The following AFG2A variants were observed in gnomAD, a reference collection of about 807,000 sequenced individuals.
AFG2A encodes the protein ATPase family gene 2 protein homolog A.
At chr4:123,179,548 G>C in the AFG2A span, among the ~76,000 whole-genome samples, 2 of 152,078 alleles carry the variant, frequency 1.3e-5, no homozygotes, top group Non-Finnish European at 2.9e-5. Flanking sequence ...TATTTTAGTA[G>C]AGATAGAGTT....
the AFG2A span, among the ~76,000 whole-genome samples, chr4:123,046,101 A>G: frequency 0.021 from 3,254 of 152,052 alleles, 60 homozygotes; most frequent in Non-Finnish European, 0.035. Flanking sequence ...CATCTCAAAA[A>G]AAAAAAAGAA....
the AFG2A span, among the ~76,000 whole-genome samples, chr4:123,002,066 C>T: frequency 6.6e-6 from 1 of 152,010 alleles, no homozygotes; most frequent in East Asian, 1.9e-4. Flanking sequence ...TAATGGCCTT[C>T]TTTGTCTCTT....
the AFG2A span, among the ~76,000 whole-genome samples, chr4:123,100,098 G>C: frequency 6.6e-6 from 1 of 151,732 alleles, no homozygotes; most frequent in South Asian, 2.1e-4. Flanking sequence ...GACATAGAAG[G>C]CTCCATGGTC....
At chr4:122,927,735 A>T in the AFG2A span, 1 of 1,613,014 alleles carries the variant, frequency 6.2e-7, no homozygotes, top group Non-Finnish European at 8.5e-7. Flanking sequence ...AGTGTTGCTT[A>T]CTAGTTTGAA....
At chr4:123,003,803 G>C in the AFG2A span, among the ~76,000 whole-genome samples, 5 of 152,120 alleles carry the variant, frequency 3.3e-5, no homozygotes, top group Admixed American at 2.0e-4. Context: ...CAGATCTCCA[G>C]CTGCGTGCTG....
At chr4:123,231,053 GA>G in the AFG2A span, among the ~76,000 whole-genome samples, 1 of 152,004 alleles carries the variant, frequency 6.6e-6, no homozygotes, top group Admixed American at 6.6e-5. Flanking sequence ...AGGATTTTCA[GA>G]AGGGTAAATG....
chr4:122,980,670 T>C, the AFG2A span, among the ~76,000 whole-genome samples: 5 of 152,224 alleles, frequency 3.3e-5, no homozygotes, highest in African/African-American at 1.2e-4. Flanking sequence ...TCTTTCATCT[T>C]TTTGGTAATG....
chr4:123,271,050 G>C, the AFG2A span, among the ~76,000 whole-genome samples: 1 of 152,164 alleles, frequency 6.6e-6, no homozygotes, highest in East Asian at 1.9e-4. Context: ...TTTCACTACT[G>C]ATGATGCCAT....
At chr4:122,961,652 G>A in the AFG2A span, among the ~76,000 whole-genome samples, 3 of 152,150 alleles carry the variant, frequency 2.0e-5, no homozygotes, top group Admixed American at 6.5e-5. Context: ...TTACAGGCAT[G>A]CACTACAACG....
chr4:123,297,276 T>C, the AFG2A span, among the ~76,000 whole-genome samples: 1 of 152,238 alleles, frequency 6.6e-6, no homozygotes, highest in African/African-American at 2.4e-5. Flanking sequence ...TAATTGTTCC[T>C]ACAAATTTCA....
At chr4:123,001,809 G>A in the AFG2A span, among the ~76,000 whole-genome samples, 1 of 151,582 alleles carries the variant, frequency 6.6e-6, no homozygotes, top group Non-Finnish European at 1.5e-5. Flanking sequence ...TTCTGTAGAT[G>A]TCTATTAGGT....
chr4:123,174,576 A>C, the AFG2A span, among the ~76,000 whole-genome samples: 1 of 152,180 alleles, frequency 6.6e-6, no homozygotes, highest in East Asian at 1.9e-4. Flanking sequence ...GAACTGGCAT[A>C]GAAACAGATG....
the AFG2A span, among the ~76,000 whole-genome samples, chr4:123,243,042 A>G: frequency 2.2e-3 from 338 of 152,332 alleles, 2 homozygotes; most frequent in Middle Eastern, 0.014. Flanking sequence ...CAAAACCACA[A>G]TGAGATACCA....
chr4:123,128,659 T>G, the AFG2A span, among the ~76,000 whole-genome samples: 1 of 152,150 alleles, frequency 6.6e-6, no homozygotes, highest in Non-Finnish European at 1.5e-5. Context: ...ATATACTTAA[T>G]TATTATAGCT....
At chr4:123,280,173 A>C in the AFG2A span, among the ~76,000 whole-genome samples, 1 of 152,188 alleles carries the variant, frequency 6.6e-6, no homozygotes, top group Non-Finnish European at 1.5e-5. Flanking sequence ...TGAGTAATTT[A>C]GTGAACCTAT....
chr4:123,061,183 A>G, the AFG2A span, among the ~76,000 whole-genome samples: 1 of 152,164 alleles, frequency 6.6e-6, no homozygotes, highest in East Asian at 1.9e-4. Flanking sequence ...AGGAAGTTCC[A>G]AACTTTCCCA....
the AFG2A span, among the ~76,000 whole-genome samples, chr4:123,030,949 T>G: frequency 5.9e-5 from 9 of 152,206 alleles, no homozygotes; most frequent in African/African-American, 2.2e-4. Context: ...ATACTCAACA[T>G]GTACTATTCG....
At chr4:122,934,279 G>C in the AFG2A span, 2 of 1,614,138 alleles carry the variant, frequency 1.2e-6, no homozygotes, top group Non-Finnish European at 1.7e-6. Context: ...CAGTAGCCTG[G>C]AGTTATCCTT....
chr4:123,278,515 T>C, the AFG2A span, among the ~76,000 whole-genome samples: 1 of 152,200 alleles, frequency 6.6e-6, no homozygotes, highest in Admixed American at 6.5e-5. Flanking sequence ...TGTTTGCTCT[T>C]GATACTCTAT....
Sources: gnomAD v4.1 joint callset for allele counts (sites outside exome capture counted in the v4.1 genomes callset) on GRCh38, gnomAD v4.1.1 for gene constraint, MANE v1.5 for transcripts, NCBI Gene and HGNC (gene_info 2026-07-23, HGNC 2026-07-21) for gene names.